The following GRM7 variants were observed in gnomAD, a reference collection of about 807,000 sequenced individuals.
The protein encoded by GRM7 is glutamate metabotropic receptor 7, also known as metabotropic glutamate receptor 7.
A neutral mutation model predicts 84.5 loss-of-function variants in GRM7; 35 were observed. The ratio of observed to expected loss-of-function variants is 0.41; its 90% CI spans 0.32 to 0.55. The LOEUF is 0.55. Ranked by LOEUF, GRM7 falls within the 20% of genes least tolerant of loss-of-function variation. GRM7 has a pLI of 0.19. For missense variants in GRM7, 1,003 were observed against 1,194.6 expected, an observed-to-expected ratio of 0.84 and a Z score of 2.36; for synonymous variants, 487 against 455.1, an observed-to-expected ratio of 1.07 and a Z score of -0.89.
chr3:7,191,751 G>C (rs1316085657), intron 2 of GRM7, among the ~76,000 whole-genome samples: 1 of 151,604 alleles, frequency 6.6e-6, no homozygotes, highest in Non-Finnish European at 1.5e-5. Flanking sequence ...GGGTAAAGTG[G>C]ACTTTAATGG....
intron 8 of GRM7, among the ~76,000 whole-genome samples, chr3:7,628,234 AC>A (rs1471390289): frequency 1.3e-5 from 2 of 152,166 alleles, no homozygotes; most frequent in African/African-American, 4.8e-5. Flanking sequence ...AATTGATTTG[AC>A]ACACTTTTCC....
rs112802294 is a variant in GRM7, at chr3:6,998,142, A to T, written c.519+136235A>T. ...CTCAAAAAAAAAAAAAAAAAAAAGC[A>T]GGTTAGTTACCTCCTAGATACAATG... On this transcript the variant is annotated intron_variant, in intron 1 of 9. Coordinates refer to ENST00000357716, the MANE Select transcript of GRM7 (RefSeq NM_000844.4). Among the ~76,000 whole-genome samples the T allele has an allele frequency of 1.9e-3, 289 of 149,054 alleles. 3 individuals carry two copies. Among genetic ancestry groups the T allele is most frequent in the African/African-American group, 6.9e-3 (278 of 40,354 alleles).
rs376048569 is a variant in GRM7, at chr3:7,075,496, A to ATGTGTGTGTGTGTG, written c.520-70920_520-70907dup. Among the ~76,000 whole-genome samples the ATGTGTGTGTGTGTG allele has an allele frequency of 1.5e-3, 213 of 138,576 alleles. 1 individual carries two copies. The highest frequency in any genetic ancestry group is 3.8e-3 in the Middle Eastern group (1 of 266). 90.9% of individuals were successfully genotyped at this position (138,576 alleles called of 152,430 possible). On this transcript the variant is annotated intron_variant, in intron 1 of 9. Coordinates refer to ENST00000357716, the MANE Select transcript of GRM7 (RefSeq NM_000844.4). ...CTATCCAAAACTTCTTGCTTCTCAG[A>ATGTGTGTGTGTGTG]TGTGTGTGTGTGTGTGTGTGTGTGT... is the stretch of plus-strand genomic sequence containing the variant.
chr3:7,225,152 C>T (rs1696941152), intron 2 of GRM7, among the ~76,000 whole-genome samples: 1 of 151,896 alleles, frequency 6.6e-6, no homozygotes, highest in African/African-American at 2.4e-5. Flanking sequence ...TATCTCCTGA[C>T]TTTTAAAAAT....
In GRM7 at chr3:6,861,714, G is replaced by T. The variant is rs755292166; in HGVS notation, c.326G>T (p.Cys109Phe). 1 of 1,614,164 alleles carries T rather than the reference G, an allele frequency of 6.2e-7. No individual in the cohort carries two copies. Among genetic ancestry groups the T allele is most frequent in the Non-Finnish European group, 8.5e-7 (1 of 1,180,004 alleles). The change falls in exon 1 of 10, where the codon TGT becomes TTT. Residue 109 changes from cysteine to phenylalanine, a missense_variant. By Grantham distance (205) the Cys-to-Phe change is radical. Around this residue, in one of 2 missense-constraint regions of GRM7, gnomAD observed 910 missense variants for 1,126.0 expected, o/e 0.81. Transcript: ENST00000357716. This position sits in a 1 kb window ranked among gnomAD's most constrained non-coding sequence, Gnocchi z 6.4. ...CTGGGCGCGCGGATCCTGGACACTT[G>T]TTCCAGGGACACTTACGCGCTCGAA... ...VTLGARILDT[C>F]SRDTYALEQS...
chr3:6,948,006 C>A (rs1276201612), intron 1 of GRM7, among the ~76,000 whole-genome samples: 1 of 152,174 alleles, frequency 6.6e-6, no homozygotes, highest in Non-Finnish European at 1.5e-5. Context: ...AAAAAACCAG[C>A]TCCTGGATTC....
intron 4 of GRM7, among the ~76,000 whole-genome samples, chr3:7,399,208 AT>A (rs71066010): frequency 2.7e-5 from 4 of 149,264 alleles, no homozygotes; most frequent in African/African-American, 7.5e-5. Context: ...AATAATAATA[AT>A]AATAAAATGT....
At chr3:6,973,534 G>T (rs1321925423) in intron 1 of GRM7, among the ~76,000 whole-genome samples, 10 of 152,148 alleles carry the variant, frequency 6.6e-5, no homozygotes. Context: ...TATATCAAGT[G>T]ATGATAAGTG....
intron 1 of GRM7, among the ~76,000 whole-genome samples, chr3:6,913,181 C>G (rs1011674534): frequency 2.6e-5 from 4 of 152,124 alleles, no homozygotes; most frequent in African/African-American, 9.7e-5. Context: ...TATGTCTTTG[C>G]CAGATCCCCA....
At chr3:7,481,473 G>A (rs1699125396) in intron 7 of GRM7, among the ~76,000 whole-genome samples, 1 of 152,194 alleles carries the variant, frequency 6.6e-6, no homozygotes, top group African/African-American at 2.4e-5. Flanking sequence ...ATGGTAGGCA[G>A]CAAGTAAGAT....
intron 1 of GRM7, among the ~76,000 whole-genome samples, chr3:6,898,541 T>A (rs775770348): frequency 6.6e-6 from 1 of 152,156 alleles, no homozygotes. Flanking sequence ...AGTTCCCTCC[T>A]TTAACCTCAA....
At chr3:7,663,514 A>G (rs1290321347) in intron 8 of GRM7, among the ~76,000 whole-genome samples, 2 of 152,198 alleles carry the variant, frequency 1.3e-5, no homozygotes, top group African/African-American at 4.8e-5. Flanking sequence ...GTGCAGCACA[A>G]CATTCATAAC....
rs562978876 is a variant in GRM7 at position 7,693,560 on chromosome 3, A to G, written c.2698+13265A>G. On this transcript the variant is annotated intron_variant, in intron 9 of 9. Coordinates refer to ENST00000357716, the MANE Select transcript of GRM7 (RefSeq NM_000844.4). Reference sequence around the variant, plus strand: ...TTCCCTCATTTTTGTCATGTTTGCAAATTTCATTTGCATTTAATTTCCTGT... The same window carrying G: ...TTCCCTCATTTTTGTCATGTTTGCAGATTTCATTTGCATTTAATTTCCTGT... 4 of 927,864 alleles carry G rather than the reference A, an allele frequency of 4.3e-6. No individual in the cohort carries two copies. The East Asian group carries it at 1.1e-4, about 24-fold the overall frequency. 57.5% of individuals were successfully genotyped at this position (927,864 alleles called of 1,614,324 possible).
At chr3:7,677,287 AAAAAAAAC>A (rs1700172317) in intron 8 of GRM7, among the ~76,000 whole-genome samples, 1 of 145,954 alleles carries the variant, frequency 6.9e-6, no homozygotes, top group South Asian at 2.2e-4. Flanking sequence ...AAAAAAAAAA[AAAAAAAAC>A]TTACATATTA....
At chr3:7,654,783 G>T (rs926101453) in intron 8 of GRM7, among the ~76,000 whole-genome samples, 3 of 152,168 alleles carry the variant, frequency 2.0e-5, no homozygotes, top group Admixed American at 6.5e-5. Flanking sequence ...GTTAAGCATA[G>T]TAGCCACAAA....
intron 2 of GRM7, among the ~76,000 whole-genome samples, chr3:7,174,554 C>CAA (rs1695083569): frequency 6.6e-6 from 1 of 152,194 alleles, no homozygotes; most frequent in Non-Finnish European, 1.5e-5. Context: ...TGGCTGACTA[C>CAA]AATAAAAGTT....
intron 4 of GRM7, among the ~76,000 whole-genome samples, chr3:7,344,966 A>G (rs1202253906): frequency 2.6e-5 from 4 of 152,176 alleles, no homozygotes; most frequent in Non-Finnish European, 5.9e-5. Context: ...GGTGATAGAT[A>G]TGCTAATTAT....
rs553230028 is a variant in GRM7 at position 7,190,302 on chromosome 3, C to T, written c.736+43634C>T. On this transcript the variant is annotated intron_variant, in intron 2 of 9. Coordinates refer to ENST00000357716, the MANE Select transcript of GRM7 (RefSeq NM_000844.4). ...TTTATATTAGTAAGCCTAGTTATTC[C>T]TTAACCACCTTAAACTTATCTGTTA... 2.0e-4 allele frequency among the ~76,000 whole-genome samples: 31 copies of T among 152,174 alleles called. No homozygotes were observed. The South Asian group carries it at 5.0e-3, about 24-fold the overall frequency.
chr3:7,572,857 T>A (rs1457299173), intron 7 of GRM7, among the ~76,000 whole-genome samples: 12,649 of 61,122 alleles, frequency 0.21, 3,285 homozygotes, highest in Non-Finnish European at 0.26. Flanking sequence ...TATATATATA[T>A]ATATATATAT....
Sources: allele counts gnomAD v4.1 joint callset (sites outside exome capture counted in the v4.1 genomes callset), GRCh38; gene constraint gnomAD v4.1.1; regional missense constraint gnomAD v4.1.1; non-coding constraint Gnocchi (gnomAD v3.1); transcripts MANE v1.5; gene names NCBI Gene and HGNC (gene_info 2026-07-23, HGNC 2026-07-21).